SBF2: variants seen among roughly 807,000 people sequenced by gnomAD.
SBF2 encodes the protein SET binding factor 2, also known as myotubularin-related protein 13.
In SBF2, 112 loss-of-function variants were observed where a neutral mutation model predicts 225.2. The observed-to-expected ratio is 0.50, with a 90% confidence interval of 0.43 to 0.58. SBF2 has a LOEUF of 0.58. Ranked by LOEUF, SBF2 falls within the 20% of genes least tolerant of loss-of-function variation. SBF2 has a pLI of 0.00. For synonymous variants in SBF2, 763 were observed against 773.3 expected (o/e 0.99, Z 0.22); for missense variants, 1,996 against 2,206.2 (o/e 0.90, Z 1.91).
intron 2 of SBF2, among the ~76,000 whole-genome samples, chr11:10,071,773 G>C (rs1336727301): frequency 1.3e-5 from 2 of 152,062 alleles, no homozygotes; most frequent in Non-Finnish European, 2.9e-5. Flanking sequence ...TTTCTCACTG[G>C]GTCTGTTTAT....
chr11:10,246,638 A>T (rs528698597), intron 1 of SBF2, among the ~76,000 whole-genome samples: 92 of 152,368 alleles, frequency 6.0e-4, no homozygotes, highest in African/African-American at 2.2e-3. Context: ...GATATATGAT[A>T]AAAAGACAAG....
At chr11:10,285,857 A>G (rs1297835777) in intron 1 of SBF2, among the ~76,000 whole-genome samples, 1 of 152,218 alleles carries the variant, frequency 6.6e-6, no homozygotes, top group South Asian at 2.1e-4. Context: ...AAGAAGTCAA[A>G]CAACCCAATA....
chr11:10,094,349 A>C (rs914688072), intron 2 of SBF2, among the ~76,000 whole-genome samples: 2 of 152,092 alleles, frequency 1.3e-5, no homozygotes, highest in Admixed American at 6.6e-5. Context: ...ATATATATTA[A>C]CTTTTTATTC....
chr11:9,828,648 A>C, intron 28 of SBF2: 1 of 985,220 alleles, frequency 1.0e-6, no homozygotes, highest in Non-Finnish European at 1.2e-6. Context: ...ACAGAATATT[A>C]GTACAAGTCT....
At chr11:10,008,559 C>T (rs937490205) in intron 6 of SBF2, among the ~76,000 whole-genome samples, 1 of 151,128 alleles carries the variant, frequency 6.6e-6, no homozygotes, top group Non-Finnish European at 1.5e-5. Flanking sequence ...CACCAGCTCC[C>T]TCCAATTTGC....
intron 2 of SBF2, among the ~76,000 whole-genome samples, chr11:10,063,866 G>GAA (rs1950539690): frequency 6.7e-6 from 1 of 150,046 alleles, no homozygotes; most frequent in African/African-American, 2.4e-5. Context: ...CACAGAGAGA[G>GAA]AGAGAGAGAG....
At chr11:9,946,401 A>C (rs1865563498) in intron 16 of SBF2, among the ~76,000 whole-genome samples, 2 of 152,174 alleles carry the variant, frequency 1.3e-5, no homozygotes, top group Admixed American at 1.3e-4. Context: ...AAAAAATGCC[A>C]AATCTACAAC....
At chr11:10,084,030 C>T (rs943965340) in intron 2 of SBF2, among the ~76,000 whole-genome samples, 77 of 152,032 alleles carry the variant, frequency 5.1e-4, no homozygotes, top group African/African-American at 1.8e-3. Flanking sequence ...AGCTTATGCA[C>T]AGCAAAAGAA....
chr11:10,157,254 T>C (rs148630064), intron 2 of SBF2, among the ~76,000 whole-genome samples: 8 of 152,230 alleles, frequency 5.3e-5, no homozygotes, highest in African/African-American at 1.7e-4. Flanking sequence ...TTACACCATA[T>C]ACAAAAATTA....
chr11:10,047,728 G>A (rs937118527), intron 2 of SBF2, among the ~76,000 whole-genome samples: 7 of 152,144 alleles, frequency 4.6e-5, no homozygotes, highest in Non-Finnish European at 8.8e-5. Context: ...TACATTTGGA[G>A]AGGGATGTTA....
At chr11:9,908,146 T>C (rs571728941) in intron 16 of SBF2, among the ~76,000 whole-genome samples, 1 of 152,080 alleles carries the variant, frequency 6.6e-6, no homozygotes, top group Non-Finnish European at 1.5e-5. Flanking sequence ...TATACATCTA[T>C]GAAAAAGCAA....
chr11:10,004,245 A>G (rs1426755686), intron 6 of SBF2, among the ~76,000 whole-genome samples: 1 of 152,192 alleles, frequency 6.6e-6, no homozygotes, highest in Non-Finnish European at 1.5e-5. Flanking sequence ...GTGGTTTTTA[A>G]AATTCATATT....
intron 1 of SBF2, among the ~76,000 whole-genome samples, chr11:10,241,211 G>A (rs978858774): frequency 1.3e-5 from 2 of 152,132 alleles, no homozygotes; most frequent in African/African-American, 2.4e-5. Context: ...AAATTAGCCA[G>A]GTGTGGTGGC....
intron 17 of SBF2, among the ~76,000 whole-genome samples, chr11:9,869,989 A>G (rs1858585879): frequency 6.6e-6 from 1 of 152,252 alleles, no homozygotes; most frequent in African/African-American, 2.4e-5. Context: ...TAAGCTGATA[A>G]GCAACTTCAG....
intron 1 of SBF2, among the ~76,000 whole-genome samples, chr11:10,204,459 T>G (rs1346262577): frequency 1.3e-5 from 2 of 151,872 alleles, no homozygotes; most frequent in African/African-American, 4.8e-5. Flanking sequence ...GCCAACATGG[T>G]GAAACCTCGT....
intron 18 of SBF2, among the ~76,000 whole-genome samples, chr11:9,857,738 A>AT (rs575001234): frequency 1.3e-5 from 2 of 152,174 alleles, no homozygotes; most frequent in Non-Finnish European, 2.9e-5. Context: ...TGATTTTTAA[A>AT]TTTTTTTGAT....
At chr11:10,091,777 C>T (rs543021337) in intron 2 of SBF2, among the ~76,000 whole-genome samples, 4 of 152,240 alleles carry the variant, frequency 2.6e-5, no homozygotes, top group African/African-American at 9.6e-5. Context: ...TGACCCAGTA[C>T]ATAATTTTGT....
At chr11:10,083,928 C>T (rs1951457789) in intron 2 of SBF2, among the ~76,000 whole-genome samples, 1 of 152,092 alleles carries the variant, frequency 6.6e-6, no homozygotes, top group South Asian at 2.1e-4. Flanking sequence ...ATGCTTGAGG[C>T]CACGAGTTCA....
At chr11:10,202,711 C>T (rs578034995) in intron 1 of SBF2, among the ~76,000 whole-genome samples, 31 of 152,252 alleles carry the variant, frequency 2.0e-4, no homozygotes, top group African/African-American at 5.8e-4. Flanking sequence ...TGGCGTGAAC[C>T]CGGGAGGCGG....
Sources: gnomAD v4.1 joint callset for allele counts (sites outside exome capture counted in the v4.1 genomes callset) on GRCh38, gnomAD v4.1.1 for gene constraint, MANE v1.5 for transcripts, NCBI Gene and HGNC (gene_info 2026-07-23, HGNC 2026-07-21) for gene names.